The following PLPPR5 variants were observed in gnomAD, a reference collection of about 807,000 sequenced individuals.
The protein encoded by PLPPR5 is phospholipid phosphatase related 5.
Under a neutral mutation model 33.9 loss-of-function variants are expected in PLPPR5, and 16 were observed. The ratio of observed to expected loss-of-function variants is 0.47; its 90% confidence interval spans 0.32 to 0.72. The LOEUF (loss-of-function observed/expected upper bound fraction) is 0.72. Ranked by LOEUF, PLPPR5 falls within the 30% of genes least tolerant of loss-of-function variation. PLPPR5 has a pLI of 0.03. For synonymous variants in PLPPR5, 163 were observed against 150.3 expected (o/e 1.08, Z -0.62); for missense variants, 301 against 406.7 (o/e 0.74, Z 2.23).
intron 1 of PLPPR5, among the ~76,000 whole-genome samples, chr1:98,990,669 A>C (rs1234554131): frequency 6.6e-6 from 1 of 151,758 alleles, no homozygotes; most frequent in East Asian, 1.9e-4. Context: ...AATATTAGAA[A>C]TCAGTGATGA....
chr1:98,984,228 G>C (rs1319738203), intron 1 of PLPPR5, among the ~76,000 whole-genome samples: 1 of 152,006 alleles, frequency 6.6e-6, no homozygotes, highest in Non-Finnish European at 1.5e-5. Context: ...AGCATCAAGA[G>C]AGTGTCTATG....
intron 1 of PLPPR5, among the ~76,000 whole-genome samples, chr1:99,001,671 G>GATATATATATATATAGATATATATAT (rs1652851597): frequency 9.8e-6 from 1 of 102,196 alleles, no homozygotes; most frequent in Non-Finnish European, 1.9e-5. Context: ...GAAAGTTAAA[G>GATATATATATATATAGATATATATAT]ATATATATAT....
At chr1:98,988,819 T>C (rs779451370) in intron 1 of PLPPR5, among the ~76,000 whole-genome samples, 1 of 152,166 alleles carries the variant, frequency 6.6e-6, no homozygotes, top group Non-Finnish European at 1.5e-5. Context: ...GATCATGCTA[T>C]AGTTGTAATT....
chr1:98,918,095 T>C (rs1010877568), intron 4 of PLPPR5, among the ~76,000 whole-genome samples: 2 of 152,244 alleles, frequency 1.3e-5, no homozygotes, highest in African/African-American at 2.4e-5. Context: ...CCTGTCATGA[T>C]GATAACTTAA....
At chr1:98,959,058 C>T (rs1341028491) in intron 1 of PLPPR5, among the ~76,000 whole-genome samples, 1 of 152,184 alleles carries the variant, frequency 6.6e-6, no homozygotes, top group African/African-American at 2.4e-5. Context: ...AAAAAACCGT[C>T]AGCTTCAATA....
intron 3 of PLPPR5, among the ~76,000 whole-genome samples, chr1:98,931,894 G>A (rs2101177491): frequency 6.6e-6 from 1 of 152,258 alleles, no homozygotes; most frequent in Admixed American, 6.5e-5. Context: ...TGCCAGTGCT[G>A]GATCATCACA....
chr1:98,990,855 AT>A (rs1317377064), intron 1 of PLPPR5: 1 of 152,108 alleles, frequency 6.6e-6, no homozygotes, highest in Admixed American at 6.6e-5. Flanking sequence ...GTCTAAACTA[AT>A]TTTAATTTCT....
At chr1:98,983,488 T>G (rs61784653) in intron 1 of PLPPR5, among the ~76,000 whole-genome samples, 1 of 143,180 alleles carries the variant, frequency 7.0e-6, no homozygotes, top group Non-Finnish European at 1.5e-5. Context: ...AGTCTATCAT[T>G]GTTGGACATT....
At chr1:98,956,123 C>T (rs368875439) in intron 2 of PLPPR5, among the ~76,000 whole-genome samples, 7 of 152,026 alleles carry the variant, frequency 4.6e-5, no homozygotes, top group African/African-American at 1.4e-4. Context: ...TCTTATCCTT[C>T]GTGATGTTCG....
intron 3 of PLPPR5, among the ~76,000 whole-genome samples, chr1:98,945,778 C>G (rs982999182): frequency 3.9e-5 from 6 of 152,144 alleles, no homozygotes; most frequent in Admixed American, 2.6e-4. Flanking sequence ...AATAAAACAG[C>G]AGAACAATTG....
At position 98,956,769 on chromosome 1, in the gene PLPPR5, T is replaced by C. The variant is rs201022337; in HGVS notation, c.238-28A>G. 10 of 1,498,580 alleles carry C rather than the reference T, an allele frequency of 6.7e-6. No individual in the cohort carries two copies. In the Admixed American group the frequency reaches 2.3e-4, roughly 35 times the overall value. 92.8% of individuals were successfully genotyped at this position (1,498,580 alleles called of 1,614,324 possible). On this transcript the variant is annotated intron_variant, in intron 1 of 5. Transcript: ENST00000263177. Reference sequence around the variant, plus strand: ...TGAAAGAAAATAAAAGATTAAGGAATATTAGAATTTAACCAGTATAAATGT... The same window carrying C: ...TGAAAGAAAATAAAAGATTAAGGAACATTAGAATTTAACCAGTATAAATGT...
intron 5 of PLPPR5, among the ~76,000 whole-genome samples, chr1:98,909,846 C>T (rs1391283808): frequency 5.3e-5 from 8 of 150,268 alleles, no homozygotes; most frequent in Admixed American, 1.3e-4. Context: ...ATTTAGTGGA[C>T]GTTGGGATGC....
intron 4 of PLPPR5, among the ~76,000 whole-genome samples, chr1:98,917,979 G>A (rs567337868): frequency 3.9e-5 from 6 of 152,242 alleles, no homozygotes; most frequent in East Asian, 1.9e-4. Flanking sequence ...GCTTTCAGAC[G>A]TTCTGGTTTT....
At chr1:98,999,668 G>A (rs1652754803) in intron 1 of PLPPR5, among the ~76,000 whole-genome samples, 1 of 152,194 alleles carries the variant, frequency 6.6e-6, no homozygotes, top group African/African-American at 2.4e-5. Context: ...AGGGTTTGGG[G>A]GAAAAGAGGT....
intron 3 of PLPPR5, among the ~76,000 whole-genome samples, chr1:98,932,725 C>G (rs1475835951): frequency 1.3e-5 from 2 of 152,168 alleles, no homozygotes; most frequent in African/African-American, 4.8e-5. Context: ...CTCTAGCCTG[C>G]AGTAAGCATG....
intron 5 of PLPPR5, 30 bp downstream of exon 5, chr1:98,914,752 GTTAT>G (rs761883609): frequency 6.4e-7 from 1 of 1,572,638 alleles, no homozygotes; most frequent in East Asian, 2.3e-5. Context: ...ATTTGCTCTA[GTTAT>G]TATAATTTAG....
intron 5 of PLPPR5, among the ~76,000 whole-genome samples, chr1:98,902,338 C>T (rs962522341): frequency 4.2e-5 from 6 of 143,242 alleles, no homozygotes; most frequent in East Asian, 2.1e-4. Flanking sequence ...CTCATACACA[C>T]GTTCATTGGG....
At chr1:98,924,437 G>A (rs555643402) in intron 3 of PLPPR5, among the ~76,000 whole-genome samples, 2 of 152,236 alleles carry the variant, frequency 1.3e-5, no homozygotes, top group East Asian at 3.9e-4. Context: ...CATAAGTTGA[G>A]TACCAGTGAA....
In PLPPR5 at chr1:99,004,411, G is replaced by T. The variant is rs377283857; in HGVS notation, c.237+24C>A. On this transcript the variant is annotated intron_variant, in intron 1 of 5. Coordinates refer to ENST00000263177, the MANE Select transcript of PLPPR5 (RefSeq NM_001037317.2). Reference sequence around the variant, plus strand: ...GGGGCGAGATCAGGGACTCGGCGACGAGGGCGAGCGCCCCCGGGCTTACCA... The same window carrying T: ...GGGGCGAGATCAGGGACTCGGCGACTAGGGCGAGCGCCCCCGGGCTTACCA... 8.3e-6 allele frequency: 13 copies of T among 1,565,934 alleles called. No homozygotes were observed. In the South Asian group the frequency reaches 1.4e-4, roughly 17 times the overall value.
Sources: gnomAD v4.1 joint callset for allele counts (sites outside exome capture counted in the v4.1 genomes callset) on GRCh38, gnomAD v4.1.1 for gene constraint, MANE v1.5 for transcripts, NCBI Gene and HGNC (gene_info 2026-07-23, HGNC 2026-07-21) for gene names.